The following DLGAP2 variants were observed in gnomAD, a reference collection of about 807,000 sequenced individuals.
DLGAP2 encodes disks large-associated protein 2.
Under a neutral mutation model 100.3 loss-of-function variants are expected in DLGAP2, and 26 were observed. The ratio of observed to expected loss-of-function variants is 0.26; its 90% CI spans 0.19 to 0.36. The LOEUF is 0.36. Ranked by LOEUF, DLGAP2 falls within the 10% of genes least tolerant of loss-of-function variation. The probability of loss-of-function intolerance (pLI) is 1.00; values close to 1 mark genes in which losing one functional copy is unlikely to be tolerated. For missense variants in DLGAP2, 1,858 were observed against 1,453.2 expected (o/e 1.28, Z -4.53); for synonymous variants, 886 against 630.1 (o/e 1.41, Z -6.08).
At chr8:1,318,778 G>GCCCCCCCCCCCCCCC (rs34614425) in intron 3 of DLGAP2, among the ~76,000 whole-genome samples, 2 of 105,574 alleles carry the variant, frequency 1.9e-5, no homozygotes, top group Non-Finnish European at 3.7e-5. Flanking sequence ...TCAGTGATCA[G>GCCCCCCCCCCCCCCC]CCCCCCCCCC....
At chr8:976,657 C>G (rs1195625396) in intron 2 of DLGAP2, among the ~76,000 whole-genome samples, 1 of 152,040 alleles carries the variant, frequency 6.6e-6, no homozygotes, top group African/African-American at 2.4e-5. Flanking sequence ...ATAGGGCCAA[C>G]CAATCTTTGA....
intron 13 of DLGAP2, among the ~76,000 whole-genome samples, chr8:1,696,895 G>T (rs1799411621): frequency 6.6e-6 from 1 of 152,162 alleles, no homozygotes; most frequent in Non-Finnish European, 1.5e-5. Context: ...TCTCCCATCT[G>T]CCCCATTCCC....
intron 2 of DLGAP2, among the ~76,000 whole-genome samples, chr8:1,096,567 G>A (rs1156716614): frequency 6.6e-6 from 1 of 151,592 alleles, no homozygotes; most frequent in East Asian, 1.9e-4. Context: ...GGAGAGTCAA[G>A]CTGGGAGCCT....
intron 1 of DLGAP2, among the ~76,000 whole-genome samples, chr8:804,387 G>A (rs1796226961): frequency 6.6e-6 from 1 of 152,144 alleles, no homozygotes; most frequent in Admixed American, 6.5e-5. Context: ...CACATATCCC[G>A]GCCCTCCTGC....
intron 1 of DLGAP2, chr8:753,725 T>A (rs1490313854): frequency 2.0e-5 from 3 of 152,234 alleles, no homozygotes; most frequent in Admixed American, 1.3e-4. Flanking sequence ...AGATGGAGCC[T>A]TATCCACTCC....
chr8:1,211,301 A>C (rs539522590), intron 2 of DLGAP2, among the ~76,000 whole-genome samples: 17 of 152,308 alleles, frequency 1.1e-4, no homozygotes, highest in African/African-American at 3.4e-4. Context: ...AAGTGGGTCT[A>C]ATCAGTGGAG....
chr8:1,583,058 T>A (rs6558484), intron 6 of DLGAP2, among the ~76,000 whole-genome samples: 2 of 151,964 alleles, frequency 1.3e-5, no homozygotes, highest in African/African-American at 4.8e-5. Context: ...GTGAATCTTA[T>A]GAAACAATGG....
At chr8:952,748 G>C (rs1799510835) in intron 2 of DLGAP2, among the ~76,000 whole-genome samples, 1 of 152,320 alleles carries the variant, frequency 6.6e-6, no homozygotes, top group Admixed American at 6.5e-5. Flanking sequence ...AATTTGTGAT[G>C]AGTAGCATTA....
At chr8:1,217,160 C>T (rs988258805) in intron 2 of DLGAP2, among the ~76,000 whole-genome samples, 1 of 152,142 alleles carries the variant, frequency 6.6e-6, no homozygotes, top group African/African-American at 2.4e-5. Flanking sequence ...CCTCTTTGTG[C>T]TCATGAATTC....
intron 3 of DLGAP2, among the ~76,000 whole-genome samples, chr8:1,444,976 T>G (rs1797943463): frequency 6.6e-6 from 1 of 151,630 alleles, no homozygotes; most frequent in South Asian, 2.1e-4. Flanking sequence ...TTCACCGTGT[T>G]AGCCAGGATG....
At position 1,204,894 on chromosome 8, in the gene DLGAP2, C is replaced by T. The variant is rs144332970; in HGVS notation, c.74-53957C>T. On this transcript the variant is annotated intron_variant, in intron 2 of 14. Transcript: ENST00000637795. ...CCCTCTCCAGAGCCTGGACTTGGTC[C>T]CAGAGCTGACCAGGGCTGTTTGCCT... 5.3e-3 allele frequency among the ~76,000 whole-genome samples: 813 copies of T among 152,248 alleles called. 14 individuals are homozygous for T. The South Asian group carries it at 0.06, about 11-fold the overall frequency.
At chr8:1,179,060 G>A (rs767882783) in intron 2 of DLGAP2, among the ~76,000 whole-genome samples, 6 of 152,248 alleles carry the variant, frequency 3.9e-5, no homozygotes, top group Non-Finnish European at 5.9e-5. Context: ...TTAAGAGCAT[G>A]TGCACACTTA....
chr8:1,439,524 G>C (rs1797765066), intron 3 of DLGAP2, among the ~76,000 whole-genome samples: 1 of 152,196 alleles, frequency 6.6e-6, no homozygotes. Context: ...CAGTGGCTAT[G>C]TTGCTGAGCT....
chr8:1,464,428 G>T (rs1283616282), intron 3 of DLGAP2, among the ~76,000 whole-genome samples: 2 of 68,412 alleles, frequency 2.9e-5, no homozygotes, highest in Non-Finnish European at 5.7e-5. Context: ...CTTTCAGGCT[G>T]GCTTCCTTCC....
rs373273410 is a variant in DLGAP2, at chr8:971,061, A to T, written c.73+63095A>T. Among the ~76,000 whole-genome samples, 229 of 152,260 alleles carry T rather than the reference A, an allele frequency of 1.5e-3. 10 individuals are homozygous for T. The South Asian group carries it at 0.046, about 31-fold the overall frequency. On this transcript the variant is annotated intron_variant, in intron 2 of 14. Transcript: ENST00000637795. ...TCAGGATCTTAAATGGTAACTTGAA[A>T]ACCTGGGAGTATGAATGAAAATTCA...
intron 1 of DLGAP2, among the ~76,000 whole-genome samples, chr8:827,057 G>A (rs919135705): frequency 6.6e-6 from 1 of 152,124 alleles, no homozygotes; most frequent in Admixed American, 6.5e-5. Context: ...GGGGACATTT[G>A]GCAATATGGG....
intron 2 of DLGAP2, among the ~76,000 whole-genome samples, chr8:1,031,132 C>G (rs992921658): frequency 1.3e-5 from 2 of 152,216 alleles, no homozygotes; most frequent in African/African-American, 4.8e-5. Context: ...TTACGAGTTC[C>G]ACTTTCCAAT....
intron 3 of DLGAP2, among the ~76,000 whole-genome samples, chr8:1,323,538 G>A (rs79644312): frequency 0.014 from 2,167 of 152,272 alleles, 52 homozygotes; most frequent in African/African-American, 0.05. Flanking sequence ...AGTGTAGTGC[G>A]GGAAGCAATG....
chr8:1,290,485 A>T (rs1563063977), intron 3 of DLGAP2, among the ~76,000 whole-genome samples: 1 of 152,196 alleles, frequency 6.6e-6, no homozygotes, highest in South Asian at 2.1e-4. Context: ...AGAGGATAAA[A>T]TCATATAAGG....
Sources: allele counts gnomAD v4.1 joint callset (sites outside exome capture counted in the v4.1 genomes callset), GRCh38; gene constraint gnomAD v4.1.1; transcripts MANE v1.5; gene names NCBI Gene and HGNC (gene_info 2026-07-23, HGNC 2026-07-21).